GNL2: variants seen among roughly 807,000 people sequenced by gnomAD.
GNL2 encodes the protein G protein nucleolar 2.
In GNL2, 51 loss-of-function variants were observed where a neutral mutation model predicts 92.3. The ratio of observed to expected loss-of-function variants is 0.55; its 90% CI spans 0.44 to 0.70. GNL2 has a LOEUF of 0.70. Ranked by LOEUF, GNL2 falls within the 30% of genes least tolerant of loss-of-function variation. The pLI is 0.00. For synonymous variants in GNL2, 283 were observed against 300.6 expected (o/e 0.94, Z 0.61); for missense variants, 844 against 895.6 (o/e 0.94, Z 0.74).
chr1:37,595,219 A>C (rs1570078033), intron 1 of GNL2, among the ~76,000 whole-genome samples: 1 of 152,240 alleles, frequency 6.6e-6, no homozygotes, highest in African/African-American at 2.4e-5. Context: ...ATGTCTTGTT[A>C]ATCGTACAGG....
chr1:37,573,428 C>A (rs1405363969), intron 12 of GNL2, among the ~76,000 whole-genome samples: 1 of 152,218 alleles, frequency 6.6e-6, no homozygotes. Flanking sequence ...TAACGTTGAG[C>A]CTTGTGGCGG....
At chr1:37,589,823 A>G (rs1476723358) in intron 4 of GNL2, among the ~76,000 whole-genome samples, 1 of 152,192 alleles carries the variant, frequency 6.6e-6, no homozygotes, top group East Asian at 1.9e-4. Context: ...TTGACAACCA[A>G]TGTGACCAGC....
chr1:37,585,031 G>A (rs573539481), intron 5 of GNL2, among the ~76,000 whole-genome samples: 1 of 150,902 alleles, frequency 6.6e-6, no homozygotes, highest in Non-Finnish European at 1.5e-5. Context: ...GCAGTGAGCC[G>A]AGATCACATC....
intron 4 of GNL2, among the ~76,000 whole-genome samples, chr1:37,590,505 C>T (rs1348646044): frequency 6.6e-6 from 1 of 152,168 alleles, no homozygotes; most frequent in Non-Finnish European, 1.5e-5. Flanking sequence ...GGTCTCAACT[C>T]CAAAACCTGT....
intron 2 of GNL2, 111 bp downstream of exon 2, chr1:37,593,651 T>C (rs1474879127): frequency 4.3e-6 from 3 of 704,014 alleles, no homozygotes; most frequent in South Asian, 1.8e-5. Flanking sequence ...TGAGAATATA[T>C]AACTCCTATT....
intron 1 of GNL2, among the ~76,000 whole-genome samples, chr1:37,595,508 T>C (rs1036585191): frequency 9.9e-5 from 15 of 152,194 alleles, no homozygotes; most frequent in African/African-American, 3.4e-4. Flanking sequence ...GTGTTCACTT[T>C]CCTTGACTTC....
chr1:37,589,283 A>C (rs1245764046), intron 4 of GNL2, among the ~76,000 whole-genome samples: 1 of 152,184 alleles, frequency 6.6e-6, no homozygotes, highest in Non-Finnish European at 1.5e-5. Flanking sequence ...CTGCAAGTAA[A>C]CAGTTTTCTT....
chr1:37,568,867 T>TTTTGGC lies in GNL2; in HGVS notation c.1846_1851dup (p.Ala616_Lys617dup), dbSNP rs1275571429. The TTTTGGC allele has an allele frequency of 6.2e-7, 1 of 1,611,476 alleles. No homozygotes were observed. Among genetic ancestry groups the TTTTGGC allele is most frequent in the South Asian group, 1.1e-5 (1 of 90,500 alleles). On this transcript the variant is annotated inframe_insertion, in exon 13 of 16. Transcript: ENST00000373062. ...AAATATTACCTGACTGCTGAAAACT[T>TTTTGGC]TTTGGCTTTGGCTTTGTCTAGAAAC...
chr1:37,574,582 A>G (rs1206752636), intron 11 of GNL2, 83 bp downstream of exon 11: 3 of 1,417,346 alleles, frequency 2.1e-6, no homozygotes, highest in Middle Eastern at 1.8e-4. Flanking sequence ...CTGCTCATAC[A>G]TGCATACCAA....
At chr1:37,578,656 CA>C (rs999246386) in intron 8 of GNL2, among the ~76,000 whole-genome samples, 3 of 151,954 alleles carry the variant, frequency 2.0e-5, no homozygotes, top group Non-Finnish European at 2.9e-5. Flanking sequence ...CTCCTGGGCT[CA>C]AGCAATCCTC....
intron 8 of GNL2, among the ~76,000 whole-genome samples, chr1:37,580,977 A>T (rs1224887712): frequency 1.3e-5 from 2 of 152,180 alleles, no homozygotes; most frequent in Non-Finnish European, 2.9e-5. Flanking sequence ...TGAGAAATAA[A>T]GCTCTCCTTT....
At position 37,568,309 on chromosome 1, in the gene GNL2, T is replaced by C. The variant is rs887824216; in HGVS notation, c.1917A>G (p.Gln639=). Residue 639 remains glutamine (Q), a synonymous_variant, in exon 14 of 16, where the codon CAA becomes CAG. Transcript: ENST00000373062. The part of the protein sequence containing the change: ...SEKIFAKPEE[Q]RKTLEEDVDD... ...CTACATCTTCTTCCAGTGTTTTTCTTTGTTCTTCAGGTTTTGCAAATATCT... is the reference window on the plus strand; with the variant it reads ...CTACATCTTCTTCCAGTGTTTTTCTCTGTTCTTCAGGTTTTGCAAATATCT... 8 of 1,609,678 alleles carry C rather than the reference T, an allele frequency of 5.0e-6. No homozygotes were observed. Among genetic ancestry groups the C allele is most frequent in the Non-Finnish European group, 6.8e-6 (8 of 1,175,908 alleles).
chr1:37,569,978 T>C (rs1326156899), intron 12 of GNL2: 3 of 152,240 alleles, frequency 2.0e-5, no homozygotes, highest in Admixed American at 2.0e-4. Flanking sequence ...AGACATGCCT[T>C]TGTTCCTCCT....
At chr1:37,571,947 G>A (rs1458476735) in intron 12 of GNL2, among the ~76,000 whole-genome samples, 4 of 151,112 alleles carry the variant, frequency 2.6e-5, no homozygotes, top group East Asian at 3.9e-4. Context: ...CCTGGCCCAC[G>A]ACATTCCAGC....
At chr1:37,569,820 T>C (rs1037340549) in intron 12 of GNL2, 1 of 153,414 alleles carries the variant, frequency 6.5e-6, no homozygotes, top group Non-Finnish European at 1.5e-5. Flanking sequence ...AATCCCCATG[T>C]GTTGTGGGAA....
At chr1:37,576,232 G>A (rs1246437197) in intron 9 of GNL2, 196 bp downstream of exon 9, 28 of 530,728 alleles carry the variant, frequency 5.3e-5, no homozygotes, top group Non-Finnish European at 8.6e-5. Flanking sequence ...AGCCACACGG[G>A]GGCATATAAA....
At chr1:37,569,685 G>T (rs10908355) in intron 12 of GNL2, 106,617 of 195,426 alleles carry the variant, frequency 0.55, 30,472 homozygotes, top group East Asian at 0.63. Flanking sequence ...TGTTACAGAT[G>T]AGAACAGTAC....
chr1:37,576,843 G>A (rs528109360), intron 8 of GNL2, among the ~76,000 whole-genome samples: 2 of 152,362 alleles, frequency 1.3e-5, no homozygotes, highest in South Asian at 4.1e-4. Context: ...TCGGCACAGT[G>A]GCTCACGCCT....
intron 8 of GNL2, among the ~76,000 whole-genome samples, chr1:37,577,456 T>A (rs1435560629): frequency 6.6e-6 from 1 of 152,110 alleles, no homozygotes; most frequent in Non-Finnish European, 1.5e-5. Flanking sequence ...CCAACTCCAC[T>A]AGAATGACAG....
Sources: gnomAD v4.1 joint callset for allele counts (sites outside exome capture counted in the v4.1 genomes callset) on GRCh38, gnomAD v4.1.1 for gene constraint, MANE v1.5 for transcripts, NCBI Gene and HGNC (gene_info 2026-07-23, HGNC 2026-07-21) for gene names.